EPB41L3: variants seen among roughly 807,000 people sequenced by gnomAD.
The protein encoded by EPB41L3 is erythrocyte membrane protein band 4.1 like 3.
In EPB41L3, 57 loss-of-function variants were observed where a neutral mutation model predicts 127.1. The ratio of observed to expected loss-of-function variants is 0.45; its 90% confidence interval spans 0.36 to 0.56. The LOEUF is 0.56. EPB41L3 is among the 20% of genes least tolerant of loss of function. The pLI, the probability that EPB41L3 is intolerant of heterozygous loss-of-function variation, is 0.00. For synonymous variants in EPB41L3, 572 were observed against 549.5 expected, an observed-to-expected ratio of 1.04 and a Z score of -0.57; for missense variants, 1,273 against 1,372.2, an observed-to-expected ratio of 0.93 and a Z score of 1.14.
chr18:5,590,566 TCACACACA>T (rs35652184), intron 3 of EPB41L3, among the ~76,000 whole-genome samples: 1 of 150,050 alleles, frequency 6.7e-6, no homozygotes, highest in African/African-American at 2.4e-5. Context: ...AACACTATGT[TCACACACA>T]CACACACACA....
intron 2 of EPB41L3, among the ~76,000 whole-genome samples, chr18:5,484,086 CAAAAAAAA>C (rs57231548): frequency 0.1 from 1,854 of 18,188 alleles, 29 homozygotes; most frequent in South Asian, 0.17. Flanking sequence ...CAAACAAACT[CAAAAAAAA>C]AAAAAAAAAA....
intron 1 of EPB41L3, among the ~76,000 whole-genome samples, chr18:5,513,515 T>A (rs1477870372): frequency 6.6e-6 from 1 of 152,186 alleles, no homozygotes; most frequent in East Asian, 1.9e-4. Flanking sequence ...CACTGTCCAT[T>A]GGTCTTCGCC....
chr18:5,539,323 G>A (rs1345041759), intron 1 of EPB41L3, among the ~76,000 whole-genome samples: 1 of 151,888 alleles, frequency 6.6e-6, no homozygotes, highest in Non-Finnish European at 1.5e-5. Flanking sequence ...CAAAATGTCA[G>A]CAATCTAAAA....
intron 2 of EPB41L3, chr18:5,480,262 C>T (rs1240735581): frequency 6.6e-6 from 1 of 152,042 alleles, no homozygotes; most frequent in East Asian, 1.9e-4. Context: ...ACACTAAGGC[C>T]CTTACATACA....
At chr18:5,627,562 C>G (rs1413380210) in intron 1 of EPB41L3, among the ~76,000 whole-genome samples, 1 of 152,126 alleles carries the variant, frequency 6.6e-6, no homozygotes, top group East Asian at 1.9e-4. Context: ...TGGTTTAATT[C>G]TATTTTTAAA....
At chr18:5,423,929 G>A (rs2077809936) in intron 10 of EPB41L3, among the ~76,000 whole-genome samples, 1 of 152,140 alleles carries the variant, frequency 6.6e-6, no homozygotes, top group African/African-American at 2.4e-5. Context: ...TAGGTAAAGG[G>A]ATTCAGGGTA....
intron 3 of EPB41L3, among the ~76,000 whole-genome samples, chr18:5,605,424 G>T (rs2094640017): frequency 6.6e-6 from 1 of 151,986 alleles, no homozygotes; most frequent in South Asian, 2.1e-4. Context: ...TGCTGCCCAG[G>T]CTGGAGTGCA....
chr18:5,420,852 A>G (rs1356773943), intron 11 of EPB41L3, among the ~76,000 whole-genome samples: 1 of 152,240 alleles, frequency 6.6e-6, no homozygotes, highest in Non-Finnish European at 1.5e-5. Flanking sequence ...AACGTAAATA[A>G]AAGAAAGGAT....
chr18:5,399,703 A>G (rs1421331431), intron 16 of EPB41L3: 3 of 202,430 alleles, frequency 1.5e-5, no homozygotes, highest in Non-Finnish European at 2.9e-5. Flanking sequence ...AAGATTAAAT[A>G]ACATTATTGA....
chr18:5,504,562 A>AT lies in EPB41L3; in HGVS notation c.-11-15369dup, dbSNP rs796129960. Among the ~76,000 whole-genome samples, 41 of 152,304 alleles carry AT rather than the reference A, an allele frequency of 2.7e-4. 1 individual carries two copies. Among genetic ancestry groups the AT allele is most frequent in the African/African-American group, 9.9e-4 (41 of 41,548 alleles). On this transcript the variant is annotated intron_variant, in intron 1 of 22. Transcript: ENST00000341928. ...CACAACTAGGGACTAGGAACCCAGCATTTTTACAGCTTGAGAAACACTGGT... is the reference window on the plus strand; with the variant it reads ...CACAACTAGGGACTAGGAACCCAGCATTTTTTACAGCTTGAGAAACACTGGT...
intron 3 of EPB41L3, among the ~76,000 whole-genome samples, chr18:5,592,417 G>T (rs2094494510): frequency 6.6e-6 from 1 of 152,122 alleles, no homozygotes; most frequent in Non-Finnish European, 1.5e-5. Context: ...CACCTGCCTT[G>T]GCTTCCCAAA....
chr18:5,507,110 C>A (rs950587811), intron 1 of EPB41L3, among the ~76,000 whole-genome samples: 1 of 152,104 alleles, frequency 6.6e-6, no homozygotes, highest in Non-Finnish European at 1.5e-5. Context: ...AATGACCCAT[C>A]CATCCTAAAT....
intron 1 of EPB41L3, among the ~76,000 whole-genome samples, chr18:5,538,894 T>C (rs535436803): frequency 3.3e-5 from 5 of 152,292 alleles, no homozygotes; most frequent in African/African-American, 1.2e-4. Context: ...AACAACCTTG[T>C]TATGAAGAGG....
rs927006755 is a variant in EPB41L3 at position 5,615,971 on chromosome 18, G to A, written c.-467-1548C>T. On this transcript the variant is annotated intron_variant, in intron 1 of 21. Coordinates refer to the EPB41L3 transcript ENST00000545076. ...CCAGAACCTCAACCCTTCCTTCTGG[G>A]GGTCTTCCAGAAGGAAGGTCTTCTG... Among the ~76,000 whole-genome samples the A allele has an allele frequency of 2.1e-4, 32 of 151,964 alleles. 1 individual carries two copies. The highest frequency in any genetic ancestry group is 7.4e-5 in the Non-Finnish European group (5 of 67,982).
At chr18:5,553,969 G>A (rs2094000051) in intron 3 of EPB41L3, among the ~76,000 whole-genome samples, 1 of 152,152 alleles carries the variant, frequency 6.6e-6, no homozygotes, top group African/African-American at 2.4e-5. Context: ...CTCTGTGCTT[G>A]CTGTTCCTCA....
chr18:5,456,206 G>A (rs1483388265), intron 3 of EPB41L3, among the ~76,000 whole-genome samples: 3 of 152,106 alleles, frequency 2.0e-5, no homozygotes, highest in African/African-American at 7.2e-5. Context: ...GTAAGACACT[G>A]ATAATCAAAA....
intron 14 of EPB41L3, among the ~76,000 whole-genome samples, chr18:5,408,303 T>A (rs910601538): frequency 1.4e-5 from 2 of 147,792 alleles, no homozygotes; most frequent in African/African-American, 5.1e-5. Flanking sequence ...AGACAGAGTC[T>A]CGCTTTGTTG....
chr18:5,517,306 G>T (rs1350514801), intron 1 of EPB41L3, among the ~76,000 whole-genome samples: 1 of 152,012 alleles, frequency 6.6e-6, no homozygotes, highest in East Asian at 1.9e-4. Context: ...CCTGGAGCCT[G>T]CCCCAGGACA....
At chr18:5,484,590 C>A (rs1028980095) in intron 2 of EPB41L3, among the ~76,000 whole-genome samples, 1 of 150,412 alleles carries the variant, frequency 6.6e-6, no homozygotes, top group Non-Finnish European at 1.5e-5. Context: ...ATAGACAAAC[C>A]TTTAGCTAGA....
Sources: allele counts gnomAD v4.1 joint callset (sites outside exome capture counted in the v4.1 genomes callset), GRCh38; gene constraint gnomAD v4.1.1; transcripts MANE v1.5; gene names NCBI Gene and HGNC (gene_info 2026-07-23, HGNC 2026-07-21).